FCGRT: variants seen among roughly 807,000 people sequenced by gnomAD.
FCGRT encodes Fc gamma receptor and transporter, also known as IgG receptor FcRn large subunit p51.
A neutral mutation model predicts 35.7 loss-of-function variants in FCGRT; 13 were observed. The observed-to-expected ratio is 0.36, with a 90% CI of 0.24 to 0.58. The LOEUF is 0.58. Ranked by LOEUF, FCGRT falls within the 20% of genes least tolerant of loss-of-function variation. The pLI is 0.77. For synonymous variants in FCGRT, 233 were observed against 216.5 expected (o/e 1.08, Z -0.67); for missense variants, 455 against 474.9 (o/e 0.96, Z 0.39).
rs1318110097 is a variant in FCGRT, at chr19:49,514,593, G to C, written c.601+107G>C. Reference sequence around the variant, plus strand: ...CCATCAGCCTCCCACTGCAGCCCACGCTCTGCCCCCCCATTCCTCAGGGGT... The same window carrying C: ...CCATCAGCCTCCCACTGCAGCCCACCCTCTGCCCCCCCATTCCTCAGGGGT... On this transcript the variant is annotated intron_variant, in intron 4 of 6. Transcript: ENST00000221466. 4 of 1,101,310 alleles carry C rather than the reference G, an allele frequency of 3.6e-6. No homozygotes were observed. The African/African-American group carries it at 4.8e-5, about 13-fold the overall frequency. 68.2% of individuals were successfully genotyped at this position (1,101,310 alleles called of 1,614,324 possible).
Position 49,514,235 on chromosome 19 carries a change from T to C in FCGRT, c.350T>C (p.Leu117Pro). 6.2e-7 allele frequency: 1 copy of C among 1,610,992 alleles called. No individual in the cohort carries two copies. ...GGTCCCTACACTCTGCAGGGCCTGCTGGGCTGTGAACTGGGCCCTGACAAC... is the reference window on the plus strand; with the variant it reads ...GGTCCCTACACTCTGCAGGGCCTGCCGGGCTGTGAACTGGGCCCTGACAAC... ...GKGPYTLQGL[L>P]GCELGPDNTS... Residue 117 changes from leucine to proline, a missense_variant, in exon 4 of 7, where the codon CTG becomes CCG. Physicochemically the swap from Leu to Pro is moderately conservative, Grantham distance 98. Transcript: ENST00000221466.
At chr19:49,525,879 A>G (rs1465491377) in intron 6 of FCGRT, 131 bp from the exon 7 acceptor site, 5 of 763,490 alleles carry the variant, frequency 6.5e-6, no homozygotes, top group Middle Eastern at 3.3e-4. Context: ...AGAAGGGGAG[A>G]CAAAGGCCCA....
At chr19:49,515,964 T>A (rs2080005011) in intron 4 of FCGRT, 1 of 307,508 alleles carries the variant, frequency 3.3e-6, no homozygotes, top group African/African-American at 2.2e-5. Flanking sequence ...TTTCCTCAGC[T>A]CTGTAGGGCA....
Position 49,513,508 on chromosome 19 carries a change from G to A in FCGRT, c.73+35G>A, listed in dbSNP as rs1029425000. The A allele has an allele frequency of 3.3e-6, 4 of 1,202,432 alleles. No homozygotes were observed. The African/African-American group carries it at 4.7e-5, about 14-fold the overall frequency. 74.5% of individuals were successfully genotyped at this position (1,202,432 alleles called of 1,614,324 possible). ...GCTCCGGGCCAGGGCCCTGCTGCAGGCGGGCGGCGGGAGGCGGCCCCAGGC... is the reference window on the plus strand; with the variant it reads ...GCTCCGGGCCAGGGCCCTGCTGCAGACGGGCGGCGGGAGGCGGCCCCAGGC... On this transcript the variant is annotated intron_variant, in intron 2 of 6. Coordinates refer to ENST00000221466, the MANE Select transcript of FCGRT (RefSeq NM_001136019.3).
At position 49,526,256 on chromosome 19, in the gene FCGRT, G is replaced by A; in HGVS notation, c.*137G>A. ...TGTCCTCCCTCTGGAGCCCCGTCCT[G>A]TGGTCTGCCTCAGTTTCCCCTCCTA... On this transcript the variant is annotated 3_prime_UTR_variant, in exon 7 of 7. Coordinates refer to ENST00000221466, the MANE Select transcript of FCGRT (RefSeq NM_001136019.3). 1.6e-6 allele frequency: 1 copy of A among 640,142 alleles called. No homozygotes were observed. Among genetic ancestry groups the A allele is most frequent in the South Asian group, 1.8e-5 (1 of 54,656 alleles). 39.7% of individuals were successfully genotyped at this position (640,142 alleles called of 1,614,324 possible). A position where few individuals can be genotyped will look rare whatever the true frequency, so the allele number is the denominator to read the frequency against.
chr19:49,513,717 T>TCTCTCTCTCTCTCTCC lies in FCGRT; in HGVS notation c.74-155_74-154insCTCTCCCTCTCTCTCT, dbSNP rs2079987857. The stretch of plus-strand genomic sequence containing the variant: ...CCCCTCTCTTTCTGGGTCTCTTGTC[T>TCTCTCTCTCTCTCTCC]CTCTCTCTCTGGGTCTCTGTCCCCC... On this transcript the variant is annotated intron_variant, in intron 2 of 6. Transcript: ENST00000221466. 3.4e-6 allele frequency: 2 copies of TCTCTCTCTCTCTCTCC among 590,082 alleles called. 1 individual carries two copies. Among genetic ancestry groups the TCTCTCTCTCTCTCTCC allele is most frequent in the African/African-American group, 4.4e-5 (2 of 45,432 alleles). 36.6% of individuals were successfully genotyped at this position (590,082 alleles called of 1,614,324 possible).
rs59774409 is a variant in FCGRT at position 49,513,491 on chromosome 19, C to T, written c.73+18C>T. 0.093 allele frequency: 114,667 copies of T among 1,238,604 alleles called. 7,123 individuals are homozygous for T. Among genetic ancestry groups the T allele is most frequent in the African/African-American group, 0.3 (19,175 of 64,236 alleles). The allele number at this position is 1,238,604 out of a possible 1,614,324, so 76.7% of individuals were successfully genotyped here. ...GGGCGCAGGTGAGGGCCGCTCCGGGCCAGGGCCCTGCTGCAGGCGGGCGGC... is the reference window on the plus strand; with the variant it reads ...GGGCGCAGGTGAGGGCCGCTCCGGGTCAGGGCCCTGCTGCAGGCGGGCGGC... On this transcript the variant is annotated intron_variant, in intron 2 of 6. Coordinates refer to ENST00000221466, the MANE Select transcript of FCGRT (RefSeq NM_001136019.3).
At chr19:49,525,076 G>T in intron 5 of FCGRT, 1 of 579,028 alleles carries the variant, frequency 1.7e-6, no homozygotes, top group South Asian at 1.7e-5. Flanking sequence ...TGCTGCTGCG[G>T]GTCTTCCTGG....
chr19:49,515,767 C>G (rs566227760), intron 4 of FCGRT, among the ~76,000 whole-genome samples: 2 of 152,144 alleles, frequency 1.3e-5, no homozygotes. Context: ...CGCAGCAGCA[C>G]TTGTCTCTAC....
At chr19:49,522,863 C>T (rs1474438042) in intron 4 of FCGRT, among the ~76,000 whole-genome samples, 7 of 150,038 alleles carry the variant, frequency 4.7e-5, no homozygotes, top group South Asian at 2.1e-4. Flanking sequence ...CTGCAAGCTC[C>T]GCCTCCCGGG....
Position 49,524,657 on chromosome 19 carries a change from C to A in FCGRT, c.752C>A (p.Pro251His), listed in dbSNP as rs770480388. ...GGCACCGGCCAGGGTGACTTCGGCC[C>A]CAACAGTGACGGATCCTTCCACGCC... ...AAGTGQGDFGPNSDGSFHASS... is the reference protein window; with the variant it reads ...AAGTGQGDFGHNSDGSFHASS... Residue 251 changes from proline to histidine, a missense_variant, in exon 5 of 7, where the codon CCC (proline) becomes CAC (histidine). Physicochemically the swap from Pro to His is moderately conservative, Grantham distance 77. Coordinates refer to ENST00000221466, the MANE Select transcript of FCGRT (RefSeq NM_001136019.3). 1 of 1,606,746 alleles carries A rather than the reference C, an allele frequency of 6.2e-7. No individual in the cohort carries two copies. The highest frequency in any genetic ancestry group is 1.3e-5 in the African/African-American group (1 of 75,052).
At chr19:49,525,851 G>T (rs530338863) in intron 6 of FCGRT, 159 bp from the exon 7 acceptor site, 1 of 717,576 alleles carries the variant, frequency 1.4e-6, no homozygotes, top group East Asian at 2.5e-5. Flanking sequence ...GTAGAAAGAG[G>T]GGGGACGGAA....
rs145165479 is a variant in FCGRT, at chr19:49,520,459, C to G, written c.602-4048C>G. ...CTCCTGGATTCAAGTGATCCTCCTG[C>G]CTCAGCCTCCAGGGTAGCTGGGACT... On this transcript the variant is annotated intron_variant, in intron 4 of 6. Coordinates refer to ENST00000221466, the MANE Select transcript of FCGRT (RefSeq NM_001136019.3). Among the ~76,000 whole-genome samples, 516 of 152,090 alleles carry G rather than the reference C, an allele frequency of 3.4e-3. 4 individuals carry two copies. Among genetic ancestry groups the G allele is most frequent in the African/African-American group, 0.012 (496 of 41,476 alleles).
chr19:49,518,841 T>C (rs555164413), intron 4 of FCGRT, among the ~76,000 whole-genome samples: 103 of 135,838 alleles, frequency 7.6e-4, no homozygotes, highest in Non-Finnish European at 1.4e-3. Flanking sequence ...GGCCGTATTT[T>C]TGTTTTTTTC....
At position 49,520,562 on chromosome 19, in the gene FCGRT, T is replaced by C. The variant is rs1263552417; in HGVS notation, c.602-3945T>C. ...AGTTTCACCATGTTGGCGAAGCTGG[T>C]CTTGAACTCCTGACATCAGGTGATC... On this transcript the variant is annotated intron_variant, in intron 4 of 6. Transcript: ENST00000221466. 3 of 151,756 alleles carry C rather than the reference T, an allele frequency of 2.0e-5. No individual in the cohort carries two copies. In the East Asian group the frequency reaches 5.9e-4, roughly 30 times the overall value. 9.4% of individuals were successfully genotyped at this position (151,756 alleles called of 1,614,324 possible). A position where few individuals can be genotyped will look rare whatever the true frequency, so the allele number is the denominator to read the frequency against.
intron 4 of FCGRT, among the ~76,000 whole-genome samples, chr19:49,522,290 G>C (rs2080045568): frequency 6.6e-6 from 1 of 151,800 alleles, no homozygotes; most frequent in Non-Finnish European, 1.5e-5. Context: ...TGTTTGCCCA[G>C]GCTGGTCTCC....
At chr19:49,525,083 C>T (rs2080066204) in intron 5 of FCGRT, 1 of 575,800 alleles carries the variant, frequency 1.7e-6, no homozygotes, top group Admixed American at 2.2e-5. Context: ...GCGGGTCTTC[C>T]TGGAATCTGA....
chr19:49,517,240 C>T (rs903851165), intron 4 of FCGRT, among the ~76,000 whole-genome samples: 6 of 152,046 alleles, frequency 3.9e-5, no homozygotes, highest in African/African-American at 7.2e-5. Flanking sequence ...CCTGTAATTC[C>T]AACACTTTGG....
intron 4 of FCGRT, among the ~76,000 whole-genome samples, chr19:49,517,247 T>C (rs528139902): frequency 6.6e-6 from 1 of 151,990 alleles, no homozygotes; most frequent in Non-Finnish European, 1.5e-5. Flanking sequence ...TTCCAACACT[T>C]TGGGAGGCCG....
Sources: gnomAD v4.1 joint callset for allele counts (sites outside exome capture counted in the v4.1 genomes callset) on GRCh38, gnomAD v4.1.1 for gene constraint, MANE v1.5 for transcripts, NCBI Gene and HGNC (gene_info 2026-07-23, HGNC 2026-07-21) for gene names.